GSR: variants seen among roughly 807,000 people sequenced by gnomAD.
GSR encodes the protein glutathione-disulfide reductase.
Under a neutral mutation model 56.5 loss-of-function variants are expected in GSR, and 48 were observed. That is an observed-to-expected ratio of 0.85 (90% CI 0.67 to 1.08). The LOEUF is 1.08. Among genes scored for constraint, GSR ranks in the 50% least tolerant of loss-of-function variants. The pLI, the probability that GSR is intolerant of heterozygous loss-of-function variation, is 0.00. For synonymous variants in GSR, 264 were observed against 270.8 expected (o/e 0.97, Z 0.25); for missense variants, 694 against 703.3 (o/e 0.99, Z 0.15).
At chr8:30,687,106 G>T (rs1182842220) in intron 9 of GSR, among the ~76,000 whole-genome samples, 1 of 151,772 alleles carries the variant, frequency 6.6e-6, no homozygotes, top group East Asian at 1.9e-4. Flanking sequence ...CAAAGAGCTG[G>T]GATTACAGGT....
intron 1 of GSR, among the ~76,000 whole-genome samples, chr8:30,721,678 G>C (rs1043102046): frequency 6.0e-5 from 9 of 150,556 alleles, no homozygotes; most frequent in African/African-American, 2.2e-4. Context: ...AAGCCAAAGG[G>C]TATCAGTATT....
rs774878841 is a variant in GSR, at chr8:30,696,451, T to A, written c.724A>T (p.Ile242Phe). The change falls in exon 7 of 13, where the codon ATT becomes TTT. Residue 242 changes from isoleucine to phenylalanine, a missense_variant. Ile to Phe is a conservative substitution (Grantham distance 21). Coordinates refer to ENST00000221130, the MANE Select transcript of GSR (RefSeq NM_000637.5). ...AGGATCCCTGCCATCTCCACAGCAA[T>A]GTAACCTGCACCAACAATGACGCTG... ...GRSVIVGAGY[I>F]AVEMAGILSA... The A allele has an allele frequency of 1.2e-6, 2 of 1,613,272 alleles. No homozygotes were observed. Among genetic ancestry groups the A allele is most frequent in the African/African-American group, 1.3e-5 (1 of 75,036 alleles).
intron 1 of GSR, among the ~76,000 whole-genome samples, chr8:30,726,535 G>A (rs1461833876): frequency 2.0e-5 from 3 of 152,146 alleles, no homozygotes; most frequent in African/African-American, 7.2e-5. Context: ...GAGGCGGGAA[G>A]ATCGGTTGAG....
chr8:30,717,202 A>G (rs1804363078), intron 1 of GSR, among the ~76,000 whole-genome samples: 1 of 152,050 alleles, frequency 6.6e-6, no homozygotes, highest in Non-Finnish European at 1.5e-5. Flanking sequence ...GTGCCATTGC[A>G]CTCCAGCCTG....
At chr8:30,717,843 G>A (rs1804388253) in intron 1 of GSR, among the ~76,000 whole-genome samples, 1 of 152,154 alleles carries the variant, frequency 6.6e-6, no homozygotes, top group African/African-American at 2.4e-5. Flanking sequence ...CCGCAAGCCT[G>A]TAATTGCAGC....
At chr8:30,719,173 C>G (rs989689584) in intron 1 of GSR, among the ~76,000 whole-genome samples, 1 of 143,054 alleles carries the variant, frequency 7.0e-6, no homozygotes, top group African/African-American at 2.6e-5. Context: ...GTGGTGCGAT[C>G]TCGGCTCACT....
chr8:30,709,076 G>A (rs1011749126), intron 3 of GSR, among the ~76,000 whole-genome samples: 2 of 151,962 alleles, frequency 1.3e-5, no homozygotes, highest in Non-Finnish European at 2.9e-5. Flanking sequence ...AAGGAATGAA[G>A]GCTGGGCACA....
intron 9 of GSR, among the ~76,000 whole-genome samples, chr8:30,687,862 C>G (rs1253081009): frequency 6.6e-6 from 1 of 152,120 alleles, no homozygotes; most frequent in Non-Finnish European, 1.5e-5. Flanking sequence ...TTCATTTACT[C>G]TTCTGTATAA....
At position 30,679,333 on chromosome 8, in the gene GSR, C is replaced by G. The variant is rs1277571954; in HGVS notation, c.*187G>C. ...GAGATGTGATCAAATGAAAATCAAT[C>G]CTGGATAACACTACAAATTTCTAAC... is the stretch of plus-strand genomic sequence containing the variant. On this transcript the variant is annotated 3_prime_UTR_variant, in exon 13 of 13. Coordinates refer to ENST00000221130, the MANE Select transcript of GSR (RefSeq NM_000637.5). 1.6e-6 allele frequency: 1 copy of G among 624,132 alleles called. No homozygotes were observed. Among genetic ancestry groups the G allele is most frequent in the African/African-American group, 1.8e-5 (1 of 54,160 alleles). The allele number at this position is 624,132 out of a possible 1,614,324, so 38.7% of individuals were successfully genotyped here.
Position 30,689,155 on chromosome 8 carries a change from G to C in GSR, c.1041+6C>G. ...CAAATGTTTCGGGCAGACCAAGCCA[G>C]CTTACCAGTTTGTTTAAACTCAGGT... is the stretch of plus-strand genomic sequence containing the variant. On this transcript the variant is annotated splice_donor_region_variant and intron_variant, in intron 9 of 12. Transcript: ENST00000221130. The C allele has an allele frequency of 6.2e-7, 1 of 1,613,726 alleles. No individual in the cohort carries two copies. The highest frequency in any genetic ancestry group is 8.5e-7 in the Non-Finnish European group (1 of 1,179,674).
intron 5 of GSR, 38 bp downstream of exon 5, chr8:30,703,052 ACTC>A (rs1803795698): frequency 6.2e-7 from 1 of 1,603,146 alleles, no homozygotes; most frequent in Non-Finnish European, 8.5e-7. Flanking sequence ...GCAACAGTAA[ACTC>A]CTGACTGCTG....
chr8:30,723,741 G>A (rs1160980907), intron 1 of GSR, among the ~76,000 whole-genome samples: 4 of 151,312 alleles, frequency 2.6e-5, no homozygotes, highest in South Asian at 2.1e-4. Flanking sequence ...GCAGTGAGCC[G>A]AGATCACCCC....
intron 11 of GSR, among the ~76,000 whole-genome samples, chr8:30,681,321 G>A (rs543686681): frequency 4.0e-4 from 61 of 152,254 alleles, no homozygotes; most frequent in Middle Eastern, 3.4e-3. Context: ...CTTGAGCCCA[G>A]GAGATTGAGA....
Position 30,689,196 on chromosome 8 carries a change from C to T in GSR, c.1006G>A (p.Val336Ile), listed in dbSNP as rs751098787. The T allele has an allele frequency of 6.2e-7, 1 of 1,614,038 alleles. No homozygotes were observed. The highest frequency in any genetic ancestry group is 8.5e-7 in the Non-Finnish European group (1 of 1,179,976). Reference sequence around the variant, plus strand: ...AAACTCAGGTCCTTGGTATTCGGGACCCGCCCAATGGCCCAGAGCAGGCAG... The same window carrying T: ...AAACTCAGGTCCTTGGTATTCGGGATCCGCCCAATGGCCCAGAGCAGGCAG... ...VDCLLWAIGRVPNTKDLSLNK... is the reference protein window; with the variant it reads ...VDCLLWAIGRIPNTKDLSLNK... The change falls in exon 9 of 13, where the codon GTC (valine) becomes ATC (isoleucine). Residue 336 changes from valine to isoleucine, a missense_variant. Transcript: ENST00000221130.
chr8:30,715,169 C>T (rs373607845), intron 1 of GSR, among the ~76,000 whole-genome samples: 12 of 152,050 alleles, frequency 7.9e-5, no homozygotes, highest in African/African-American at 2.2e-4. Context: ...GGTGCATGCC[C>T]GTAGTTCCAG....
At position 30,727,831 on chromosome 8, in the gene GSR, G is replaced by A; in HGVS notation, c.5C>T (p.Ala2Val). The A allele has an allele frequency of 9.8e-6, 12 of 1,223,156 alleles. No individual in the cohort carries two copies. Among genetic ancestry groups the A allele is most frequent in the Non-Finnish European group, 1.2e-5 (12 of 985,078 alleles). 75.8% of individuals were successfully genotyped at this position (1,223,156 alleles called of 1,614,324 possible). Residue 2 changes from alanine to valine, a missense_variant, in exon 1 of 13, where the codon GCC becomes GTC. Physicochemically the swap from Ala to Val is moderately conservative, Grantham distance 64. Coordinates refer to ENST00000221130, the MANE Select transcript of GSR (RefSeq NM_000637.5). ...GGCGCTCAGGGCTCGGGGCAGCAGG[G>A]CCATGCACGCGGAAGTGGCGCGCCA... M[A>V]LLPRALSAGA...
intron 1 of GSR, among the ~76,000 whole-genome samples, chr8:30,723,783 A>C (rs1804631571): frequency 1.9e-5 from 1 of 52,620 alleles, no homozygotes; most frequent in African/African-American, 3.0e-5. Context: ...CAGAGCAACA[A>C]ACACACACAC....
chr8:30,689,968 TTATATATATAAATG>T (rs1447275755), intron 8 of GSR, among the ~76,000 whole-genome samples: 1 of 137,518 alleles, frequency 7.3e-6, no homozygotes, highest in East Asian at 2.0e-4. Flanking sequence ...TTTTTATTTA[TTATATATATAAATG>T]TATATATATG....
At chr8:30,710,714 CAAAAAAAAAAAAA>C (rs60532553) in intron 2 of GSR, among the ~76,000 whole-genome samples, 58 of 51,018 alleles carry the variant, frequency 1.1e-3, no homozygotes, top group African/African-American at 3.6e-3. Context: ...GACTCTGTCT[CAAAAAAAAAAAAA>C]AAAAAAAAAA....
Sources: allele counts gnomAD v4.1 joint callset (sites outside exome capture counted in the v4.1 genomes callset), GRCh38; gene constraint gnomAD v4.1.1; transcripts MANE v1.5; gene names NCBI Gene and HGNC (gene_info 2026-07-23, HGNC 2026-07-21).